The following CD86 variants were observed in gnomAD, a reference collection of about 807,000 sequenced individuals.
CD86 encodes CD86 molecule, also known as T-lymphocyte activation antigen CD86.
CD86 carries 11 observed loss-of-function variants against 32.1 expected under a neutral mutation model. The observed-to-expected ratio is 0.34, with a 90% CI of 0.22 to 0.57. The LOEUF is 0.57. Among genes scored for constraint, CD86 ranks in the 20% least tolerant of loss-of-function variants. The probability of loss-of-function intolerance (pLI) is 0.86; values close to 1 mark genes in which losing one functional copy is unlikely to be tolerated. For synonymous variants in CD86, 137 were observed against 135.3 expected, an observed-to-expected ratio of 1.01 and a Z score of -0.09; for missense variants, 359 against 398.4, an observed-to-expected ratio of 0.90 and a Z score of 0.84.
At chr3:122,058,526 G>A (rs2072275797) in intron 1 of CD86, among the ~76,000 whole-genome samples, 1 of 152,134 alleles carries the variant, frequency 6.6e-6, no homozygotes, top group African/African-American at 2.4e-5. Context: ...AGGTTAATGT[G>A]GTTTAAAGTC....
intron 1 of CD86, among the ~76,000 whole-genome samples, chr3:122,089,303 G>A (rs2072775028): frequency 6.6e-6 from 1 of 152,166 alleles, no homozygotes; most frequent in African/African-American, 2.4e-5. Flanking sequence ...CACTCAAAAG[G>A]TGAAGATGGC....
At position 122,103,607 on chromosome 3, in the gene CD86, G is replaced by A; in HGVS notation, c.160G>A (p.Val54Ile). 1.2e-6 allele frequency: 2 copies of A among 1,613,980 alleles called. No homozygotes were observed. The highest frequency in any genetic ancestry group is 8.5e-7 in the Non-Finnish European group (1 of 1,179,880). The change falls in exon 3 of 7, where the codon GTA becomes ATA. Residue 54 changes from valine to isoleucine, a missense_variant. Coordinates refer to ENST00000330540, the MANE Select transcript of CD86 (RefSeq NM_175862.5). ...NSQNQSLSEL[V>I]VFWQDQENLV... Reference sequence around the variant, plus strand: ...TCAAAACCAAAGCCTGAGTGAGCTAGTAGTATTTTGGCAGGACCAGGAAAA... The same window carrying A: ...TCAAAACCAAAGCCTGAGTGAGCTAATAGTATTTTGGCAGGACCAGGAAAA...
At chr3:122,082,354 C>G (rs373416115) in intron 1 of CD86, among the ~76,000 whole-genome samples, 1 of 152,176 alleles carries the variant, frequency 6.6e-6, no homozygotes, top group East Asian at 1.9e-4. Flanking sequence ...TTGCAGACAC[C>G]CAGCATATAC....
chr3:122,109,307 T>A lies in CD86; in HGVS notation c.746T>A (p.Ile249Asn), dbSNP rs371529328. ...CCTCCCCCAGACCACATTCCTTGGA[T>A]TACAGCTGTACTTCCAACAGTTATT... The part of the protein sequence containing the change: ...PQPPPDHIPW[I>N]TAVLPTVIIC... Residue 249 changes from isoleucine to asparagine, a missense_variant, in exon 5 of 7, where the codon ATT (isoleucine) becomes AAT (asparagine). Ile to Asn is a moderately radical substitution (Grantham distance 149, BLOSUM62 -3). Transcript: ENST00000330540. 6.2e-7 allele frequency: 1 copy of A among 1,613,972 alleles called. No homozygotes were observed. The highest frequency in any genetic ancestry group is 1.3e-5 in the African/African-American group (1 of 74,942).
At chr3:122,061,902 A>G (rs1465477520) in intron 1 of CD86, among the ~76,000 whole-genome samples, 1 of 152,192 alleles carries the variant, frequency 6.6e-6, no homozygotes, top group Non-Finnish European at 1.5e-5. Flanking sequence ...GAATATTTAT[A>G]CCAGCTTTAT....
At position 122,055,414 on chromosome 3, in the gene CD86, T is replaced by C; in HGVS notation, c.-76T>C. On this transcript the variant is annotated 5_prime_UTR_variant, in exon 1 of 7. Coordinates refer to ENST00000330540, the MANE Select transcript of CD86 (RefSeq NM_175862.5). The stretch of plus-strand genomic sequence containing the variant: ...GGTGAAAGCTTTGCTTCTCTGCTGC[T>C]GTAACAGGGACTAGCACAGACACAC... 2 of 1,431,882 alleles carry C rather than the reference T, an allele frequency of 1.4e-6. No individual in the cohort carries two copies. Among genetic ancestry groups the C allele is most frequent in the East Asian group, 2.3e-5 (1 of 44,024 alleles). 88.7% of individuals were successfully genotyped at this position (1,431,882 alleles called of 1,614,324 possible).
Position 122,118,037 on chromosome 3 carries a change from G to A in CD86, c.848-11G>A, listed in dbSNP as rs560824456. On this transcript the variant is annotated splice_polypyrimidine_tract_variant and intron_variant, in intron 5 of 6. Coordinates refer to ENST00000330540, the MANE Select transcript of CD86 (RefSeq NM_175862.5). ...AATACATTTTTGAAGATTGTTCTTG[G>A]TGTCTTTCAGGAACCAACACAATGG... is the stretch of plus-strand genomic sequence containing the variant. 8 of 1,611,860 alleles carry A rather than the reference G, an allele frequency of 5.0e-6. No individual in the cohort carries two copies. The highest frequency in any genetic ancestry group is 1.3e-5 in the African/African-American group (1 of 74,924).
intron 2 of CD86, among the ~76,000 whole-genome samples, chr3:122,102,869 C>G (rs2073032550): frequency 1.3e-5 from 2 of 152,074 alleles, no homozygotes; most frequent in African/African-American, 4.8e-5. Flanking sequence ...ATTTGACATC[C>G]TTGGAAGTGC....
intron 1 of CD86, among the ~76,000 whole-genome samples, chr3:122,071,320 TC>T (rs1182141857): frequency 4.0e-5 from 6 of 151,640 alleles, no homozygotes; most frequent in Admixed American, 3.9e-4. Flanking sequence ...AAACCACTGA[TC>T]TTTTTACTGT....
At position 122,106,242 on chromosome 3, in the gene CD86, G is replaced by C. The variant is rs768577906; in HGVS notation, c.445G>C (p.Glu149Gln). ...AATAGTACCAATTTCTAATATAACA[G>C]AAAATGTGTACATAAATTTGACCTG... ...PEIVPISNIT[E>Q]NVYINLTCSS... Residue 149 changes from glutamate (E) to glutamine (Q), a missense_variant, in exon 4 of 7, where the codon GAA becomes CAA. Glu to Gln is a conservative substitution (Grantham distance 29, BLOSUM62 2). Coordinates refer to ENST00000330540, the MANE Select transcript of CD86 (RefSeq NM_175862.5). 6.2e-7 allele frequency: 1 copy of C among 1,611,656 alleles called. No homozygotes were observed. Among genetic ancestry groups the C allele is most frequent in the Admixed American group, 1.7e-5 (1 of 59,702 alleles).
rs1470639217 is a variant in CD86 at position 122,061,960 on chromosome 3, G to GT, written c.14+6458dup. ...AAAAAAGTCCCTCAGTGGGTGAATC[G>GT]TAACACAAACTGTGTGTGCAAGATG... On this transcript the variant is annotated intron_variant, in intron 1 of 6. Coordinates refer to ENST00000330540, the MANE Select transcript of CD86 (RefSeq NM_175862.5). Among the ~76,000 whole-genome samples, 6 of 152,094 alleles carry GT rather than the reference G, an allele frequency of 3.9e-5. No homozygotes were observed. In the East Asian group the frequency reaches 1.2e-3, roughly 29 times the overall value.
rs2073315163 is a variant in CD86, at chr3:122,119,787, G to T, written c.*253G>T. The T allele has an allele frequency of 1.2e-5, 4 of 323,566 alleles. No homozygotes were observed. Among genetic ancestry groups the T allele is most frequent in the Non-Finnish European group, 2.2e-5 (4 of 181,572 alleles). 20.0% of individuals were successfully genotyped at this position (323,566 alleles called of 1,614,324 possible). Reference sequence around the variant, plus strand: ...CTTATGGGCCAAGCCCAGCTTAATGGCTCATGACCTGGAAATAAAATTTAG... The same window carrying T: ...CTTATGGGCCAAGCCCAGCTTAATGTCTCATGACCTGGAAATAAAATTTAG... On this transcript the variant is annotated 3_prime_UTR_variant, in exon 7 of 7. Coordinates refer to ENST00000330540, the MANE Select transcript of CD86 (RefSeq NM_175862.5).
intron 1 of CD86, among the ~76,000 whole-genome samples, chr3:122,076,626 G>A (rs746200403): frequency 6.6e-6 from 1 of 152,146 alleles, no homozygotes; most frequent in Non-Finnish European, 1.5e-5. Context: ...TGGGTGAAAG[G>A]TGAAGGGTTT....
intron 1 of CD86, among the ~76,000 whole-genome samples, chr3:122,070,290 C>T (rs1292425265): frequency 6.6e-6 from 1 of 152,058 alleles, no homozygotes; most frequent in Non-Finnish European, 1.5e-5. Context: ...TCTTCCTTAG[C>T]ATGCATGAAT....
intron 1 of CD86, among the ~76,000 whole-genome samples, chr3:122,074,556 G>T (rs1038010792): frequency 1.3e-5 from 2 of 152,148 alleles, no homozygotes; most frequent in African/African-American, 2.4e-5. Context: ...ACCACTGGCC[G>T]CAGGAGGCCA....
chr3:122,077,210 G>A (rs1230533857), intron 1 of CD86, among the ~76,000 whole-genome samples: 4 of 152,140 alleles, frequency 2.6e-5, no homozygotes. Context: ...ATGCACCTGG[G>A]GGAGGATCAC....
At position 122,056,805 on chromosome 3, in the gene CD86, T is replaced by G. The variant is rs1172625539; in HGVS notation, c.14+1302T>G. Among the ~76,000 whole-genome samples, 4 of 152,180 alleles carry G rather than the reference T, an allele frequency of 2.6e-5. No individual in the cohort carries two copies. The East Asian group carries it at 7.7e-4, about 29-fold the overall frequency. ...GGAATTTTGAAGCGTTATACTTGTA[T>G]GAAGAAAAAAAGAATTTCAAAATTT... On this transcript the variant is annotated intron_variant, in intron 1 of 6. Transcript: ENST00000330540.
intron 5 of CD86, among the ~76,000 whole-genome samples, chr3:122,116,951 G>A (rs1045027290): frequency 2.4e-4 from 36 of 152,168 alleles, no homozygotes; most frequent in Middle Eastern, 3.4e-3. Flanking sequence ...TTGTGGTGGT[G>A]GTTACGTGAC....
At chr3:122,097,364 G>C (rs980741161) in intron 2 of CD86, among the ~76,000 whole-genome samples, 1 of 152,150 alleles carries the variant, frequency 6.6e-6, no homozygotes. Flanking sequence ...AGCTGAGCTG[G>C]GAGAGAGAGA....
Sources: allele counts gnomAD v4.1 joint callset (sites outside exome capture counted in the v4.1 genomes callset), GRCh38; gene constraint gnomAD v4.1.1; transcripts MANE v1.5; gene names NCBI Gene and HGNC (gene_info 2026-07-23, HGNC 2026-07-21).